Variants in ADARB1 observed in about 807,000 individuals in gnomAD.
ADARB1 encodes the protein adenosine deaminase RNA specific B1.
A neutral mutation model predicts 52.4 loss-of-function variants in ADARB1; 10 were observed. That is an observed-to-expected ratio of 0.19 (90% CI 0.12 to 0.32). The LOEUF (loss-of-function observed/expected upper bound fraction) is 0.32, where lower values mean the gene tolerates loss of function less well. Among genes scored for constraint, ADARB1 ranks in the 10% least tolerant of loss-of-function variants. The probability of loss-of-function intolerance (pLI) is 1.00; values close to 1 mark genes in which losing one functional copy is unlikely to be tolerated. For missense variants in ADARB1, 643 were observed against 922.3 expected (o/e 0.70, Z 3.92); for synonymous variants, 349 against 371.1 (o/e 0.94, Z 0.68).
chr21:45,202,644 C>T (rs570798658), intron 8 of ADARB1, among the ~76,000 whole-genome samples: 1 of 152,346 alleles, frequency 6.6e-6, no homozygotes, highest in East Asian at 1.9e-4. Context: ...GAATGTTTCT[C>T]ATCTGCCCTG....
At chr21:45,133,432 C>T (rs1430493311) in intron 2 of ADARB1, 1 of 153,166 alleles carries the variant, frequency 6.5e-6, no homozygotes, top group East Asian at 1.9e-4. Flanking sequence ...TTTACCTGAT[C>T]AGGCCAGGCC....
intron 1 of ADARB1, among the ~76,000 whole-genome samples, chr21:45,112,115 A>T (rs1021601637): frequency 2.6e-5 from 4 of 152,200 alleles, no homozygotes; most frequent in Admixed American, 1.3e-4. Context: ...ATTTCATGGA[A>T]TTCTGGACTC....
At chr21:45,194,526 C>T (rs192822400) in intron 8 of ADARB1, among the ~76,000 whole-genome samples, 147 of 150,150 alleles carry the variant, frequency 9.8e-4, no homozygotes, top group African/African-American at 3.5e-3. Flanking sequence ...CTCTCACCTC[C>T]TAACCTCTGT....
At chr21:45,186,108 T>C (rs2092096100) in intron 8 of ADARB1, among the ~76,000 whole-genome samples, 1 of 152,230 alleles carries the variant, frequency 6.6e-6, no homozygotes, top group South Asian at 2.1e-4. Context: ...GTGTGTGTGA[T>C]GTGGGGGAGG....
chr21:45,078,627 T>C (rs1601224575), intron 1 of ADARB1, among the ~76,000 whole-genome samples: 1 of 152,140 alleles, frequency 6.6e-6, no homozygotes, highest in South Asian at 2.1e-4. Flanking sequence ...AGGGAGGCCA[T>C]TGCTGCCAGA....
Position 45,175,965 on chromosome 21 carries a change from G to A in ADARB1, c.264G>A (p.Glu88=). 1 of 1,612,496 alleles carries A rather than the reference G, an allele frequency of 6.2e-7. No homozygotes were observed. Among genetic ancestry groups the A allele is most frequent in the Non-Finnish European group, 8.5e-7 (1 of 1,179,426 alleles). Residue 88 remains glutamate, a synonymous_variant, in exon 4 of 11, where the codon GAG becomes GAA. Coordinates refer to ENST00000348831, the MANE Select transcript of ADARB1 (RefSeq NM_001112.4). Reference sequence around the variant, plus strand: ...AGAACGCCCTGATGCAGCTGAATGAGATCAAGCCTGGTTTGCAGTACACAC... The same window carrying A: ...AGAACGCCCTGATGCAGCTGAATGAAATCAAGCCTGGTTTGCAGTACACAC... ...LPKNALMQLN[E]IKPGLQYTLL... is the part of the protein sequence containing the mutation.
At chr21:45,182,798 AT>A (rs752793142) in intron 6 of ADARB1, 45 bp downstream of exon 6, 16 of 1,477,918 alleles carry the variant, frequency 1.1e-5, no homozygotes, top group Non-Finnish European at 1.4e-5. Flanking sequence ...TTTTTAAAAA[AT>A]ATTCCTCTAT....
intron 8 of ADARB1, among the ~76,000 whole-genome samples, chr21:45,187,992 C>T (rs1035672863): frequency 6.6e-6 from 1 of 152,102 alleles, no homozygotes; most frequent in African/African-American, 2.4e-5. Flanking sequence ...CAGGGTACTG[C>T]TGGCATCATA....
chr21:45,088,382 C>G (rs2086428060), intron 1 of ADARB1, among the ~76,000 whole-genome samples: 2 of 152,070 alleles, frequency 1.3e-5, no homozygotes, highest in African/African-American at 2.4e-5. Flanking sequence ...TGGAGGAGCC[C>G]CATGGCCAAA....
chr21:45,101,812 TTG>T (rs1425724835), intron 1 of ADARB1, among the ~76,000 whole-genome samples: 1 of 152,198 alleles, frequency 6.6e-6, no homozygotes, highest in East Asian at 1.9e-4. Context: ...CTGCTTAAAA[TTG>T]TGTAAGGGGT....
At position 45,172,658 on chromosome 21, in the gene ADARB1, G is replaced by A. The variant is rs1601759396; in HGVS notation, c.28+974G>A. Among the ~76,000 whole-genome samples the A allele has an allele frequency of 6.6e-6, 1 of 152,126 alleles. No individual in the cohort carries two copies. Among genetic ancestry groups the A allele is most frequent in the Non-Finnish European group, 1.5e-5 (1 of 68,020 alleles). Reference sequence around the variant, plus strand: ...TGCCCCATGGGTGTGCTGTGGAGGCGGCTGGGCCTCTGCTCTATGGACTGT... The same window carrying A: ...TGCCCCATGGGTGTGCTGTGGAGGCAGCTGGGCCTCTGCTCTATGGACTGT... On this transcript the variant is annotated intron_variant, in intron 3 of 10. Transcript: ENST00000348831. The surrounding 1 kb of genome is among the most constrained non-coding windows in gnomAD (Gnocchi z 4.4).
At chr21:45,093,673 G>A (rs2086646620) in intron 1 of ADARB1, among the ~76,000 whole-genome samples, 1 of 152,188 alleles carries the variant, frequency 6.6e-6, no homozygotes, top group Non-Finnish European at 1.5e-5. Flanking sequence ...TCTCCAGGGG[G>A]CTCCTCACCA....
chr21:45,168,085 C>T (rs1450629802), intron 2 of ADARB1, among the ~76,000 whole-genome samples: 1 of 152,058 alleles, frequency 6.6e-6, no homozygotes, highest in Non-Finnish European at 1.5e-5. Flanking sequence ...TTCTCAGCTG[C>T]ATTTCCCTAG....
intron 8 of ADARB1, among the ~76,000 whole-genome samples, chr21:45,191,051 C>G (rs767642745): frequency 2.6e-5 from 4 of 152,186 alleles, no homozygotes; most frequent in Non-Finnish European, 5.9e-5. Context: ...CAGAGCCATT[C>G]TGGTCTGTAT....
chr21:45,075,309 C>G (rs4819027), intron 1 of ADARB1, among the ~76,000 whole-genome samples: 119,511 of 151,098 alleles, frequency 0.79, 47,946 homozygotes, highest in African/African-American at 0.93. Context: ...GGGAGACGCT[C>G]CGCCCGGCAT....
In ADARB1 at chr21:45,142,709, T is replaced by C. The variant is rs2089791616; in HGVS notation, c.-48+14136T>C. Among the ~76,000 whole-genome samples, 1 of 152,210 alleles carries C rather than the reference T, an allele frequency of 6.6e-6. No individual in the cohort carries two copies. The highest frequency in any genetic ancestry group is 2.1e-4 in the South Asian group (1 of 4,832). On this transcript the variant is annotated intron_variant, in intron 2 of 10. Transcript: ENST00000348831. The surrounding 1 kb of genome is among the most constrained non-coding windows in gnomAD (Gnocchi z 4.0). ...CCGTGTGGGATCTGCCTACTGGGTG[T>C]GCAGCTGCTGCGGCCTAAGCGGCGT...
intron 2 of ADARB1, among the ~76,000 whole-genome samples, chr21:45,154,063 A>T (rs1039557998): frequency 6.6e-6 from 1 of 152,244 alleles, no homozygotes; most frequent in African/African-American, 2.4e-5. Flanking sequence ...GAAGTACAAG[A>T]ATAATTCTGT....
intron 9 of ADARB1, among the ~76,000 whole-genome samples, chr21:45,209,381 T>C (rs73907273): frequency 6.6e-6 from 1 of 152,240 alleles, no homozygotes; most frequent in Non-Finnish European, 1.5e-5. Context: ...TCCAGATTTA[T>C]TTTTCACTTT....
At chr21:45,092,145 T>G (rs1455427925) in intron 1 of ADARB1, among the ~76,000 whole-genome samples, 1 of 152,154 alleles carries the variant, frequency 6.6e-6, no homozygotes, top group Non-Finnish European at 1.5e-5. Flanking sequence ...GAGTGATGCT[T>G]TGGAGGAAGT....
Sources: allele counts gnomAD v4.1 joint callset (sites outside exome capture counted in the v4.1 genomes callset), GRCh38; gene constraint gnomAD v4.1.1; non-coding constraint Gnocchi (gnomAD v3.1); transcripts MANE v1.5; gene names NCBI Gene and HGNC (gene_info 2026-07-23, HGNC 2026-07-21).